The following MAP7 variants were observed in gnomAD, a reference collection of about 807,000 sequenced individuals.
MAP7 encodes the protein ensconsin.
A neutral mutation model predicts 94.8 loss-of-function variants in MAP7; 52 were observed. That is an observed-to-expected ratio of 0.55 (90% CI 0.44 to 0.69). MAP7 has a LOEUF of 0.69. MAP7 is among the 30% of genes least tolerant of loss of function. The pLI is 0.00. For synonymous variants in MAP7, 350 were observed against 357.0 expected, an observed-to-expected ratio of 0.98 and a Z score of 0.22; for missense variants, 940 against 964.6, an observed-to-expected ratio of 0.97 and a Z score of 0.34.
At chr6:136,439,037 T>A (rs1797122893) in intron 1 of MAP7, among the ~76,000 whole-genome samples, 1 of 152,206 alleles carries the variant, frequency 6.6e-6, no homozygotes, top group African/African-American at 2.4e-5. Flanking sequence ...TGAAGTGAGA[T>A]CTTCATTTTA....
intron 1 of MAP7, among the ~76,000 whole-genome samples, chr6:136,422,326 G>T (rs1187680343): frequency 6.6e-6 from 1 of 152,144 alleles, no homozygotes. Flanking sequence ...CGTATGTTCA[G>T]TACAAGTCAC....
chr6:136,456,529 A>C (rs1802906699), intron 1 of MAP7, among the ~76,000 whole-genome samples: 1 of 151,646 alleles, frequency 6.6e-6, no homozygotes, highest in Admixed American at 6.6e-5. Context: ...AAAATTAGGT[A>C]GGTGTGGTGG....
chr6:136,522,986 G>C (rs1197540500), intron 1 of MAP7, among the ~76,000 whole-genome samples: 1 of 152,080 alleles, frequency 6.6e-6, no homozygotes, highest in Non-Finnish European at 1.5e-5. Context: ...AGTGAGCTAT[G>C]ATCATGCCAT....
In MAP7 at chr6:136,550,057, T is replaced by TC. The variant is rs1451601555; in HGVS notation, c.67+284dup. Among the ~76,000 whole-genome samples, 1 of 151,170 alleles carries TC rather than the reference T, an allele frequency of 6.6e-6. No homozygotes were observed. The highest frequency in any genetic ancestry group is 1.5e-5 in the Non-Finnish European group (1 of 67,664). Reference sequence around the variant, plus strand: ...CAGCGGCCGGGGTCTCTCCGTTTCCTCCCCCGGCTCGCCTCCACCTGTTGC... The same window carrying TC: ...CAGCGGCCGGGGTCTCTCCGTTTCCTCCCCCCGGCTCGCCTCCACCTGTTGC... On this transcript the variant is annotated intron_variant, in intron 1 of 17. Coordinates refer to ENST00000354570, the MANE Select transcript of MAP7 (RefSeq NM_003980.6). The surrounding 1 kb of genome is among the most constrained non-coding windows in gnomAD (Gnocchi z 5.1).
At chr6:136,443,525 C>T (rs1798477011) in intron 1 of MAP7, among the ~76,000 whole-genome samples, 1 of 148,382 alleles carries the variant, frequency 6.7e-6, no homozygotes, top group South Asian at 2.1e-4. Context: ...AATCTTGGCT[C>T]ACTGCAACCT....
rs1394029416 is a variant in MAP7 at position 136,342,831 on chromosome 6, CTA to C, written c.*1395_*1396del. ...ACAGATTTCTTTTCTAATATAATGA[CTA>C]TGTGTACATGGACAACTGAAAACAG... On this transcript the variant is annotated 3_prime_UTR_variant, in exon 18 of 18. Transcript: ENST00000354570. The C allele has an allele frequency of 6.6e-6, 1 of 152,144 alleles. No homozygotes were observed. The highest frequency in any genetic ancestry group is 2.4e-5 in the African/African-American group (1 of 41,412). The allele number at this position is 152,144 out of a possible 1,614,324, so 9.4% of individuals were successfully genotyped here. A position where few individuals can be genotyped will look rare whatever the true frequency, so the allele number is the denominator to read the frequency against.
At chr6:136,419,128 G>A (rs1167279079) in intron 2 of MAP7, among the ~76,000 whole-genome samples, 2 of 152,168 alleles carry the variant, frequency 1.3e-5, no homozygotes, top group Non-Finnish European at 2.9e-5. Context: ...GCAATCTCTC[G>A]TCACACTGGT....
chr6:136,493,918 A>G (rs1262099632), intron 1 of MAP7, among the ~76,000 whole-genome samples: 1 of 152,166 alleles, frequency 6.6e-6, no homozygotes, highest in Non-Finnish European at 1.5e-5. Flanking sequence ...TTAAGCTTTG[A>G]GCTTCAGGTT....
chr6:136,418,921 C>T (rs1331474415), intron 2 of MAP7, among the ~76,000 whole-genome samples: 2 of 152,130 alleles, frequency 1.3e-5, no homozygotes, highest in Non-Finnish European at 1.5e-5. Flanking sequence ...GTTACTAAAT[C>T]AAGAGCCTTT....
chr6:136,514,961 T>G (rs1824383991), intron 1 of MAP7, among the ~76,000 whole-genome samples: 1 of 152,242 alleles, frequency 6.6e-6, no homozygotes, highest in Non-Finnish European at 1.5e-5. Flanking sequence ...ACTTTGACTC[T>G]CTGTCTATCA....
intron 6 of MAP7, among the ~76,000 whole-genome samples, chr6:136,381,154 A>G (rs1777620124): frequency 1.3e-5 from 2 of 152,146 alleles, no homozygotes; most frequent in Admixed American, 6.5e-5. Context: ...AACTAATGGA[A>G]TTACTTAAAT....
At chr6:136,485,303 T>C (rs941211220) in intron 1 of MAP7, among the ~76,000 whole-genome samples, 1 of 152,212 alleles carries the variant, frequency 6.6e-6, no homozygotes, top group African/African-American at 2.4e-5. Flanking sequence ...ACTTTACAAA[T>C]GTCATTACAT....
intron 2 of MAP7, among the ~76,000 whole-genome samples, chr6:136,420,750 T>G (rs1791051125): frequency 6.6e-6 from 1 of 152,218 alleles, no homozygotes; most frequent in Admixed American, 6.5e-5. Flanking sequence ...TCAACAATAC[T>G]TGTTATTGTC....
chr6:136,345,718 A>T (rs536344226), intron 17 of MAP7, 138 bp downstream of exon 17: 1 of 776,038 alleles, frequency 1.3e-6, no homozygotes, highest in Non-Finnish European at 2.3e-6. Flanking sequence ...GCCAGGCACA[A>T]TCTCTTCCAC....
intron 3 of MAP7, among the ~76,000 whole-genome samples, chr6:136,399,370 G>C (rs144384331): frequency 1.3e-5 from 2 of 152,170 alleles, no homozygotes; most frequent in Admixed American, 1.3e-4. Flanking sequence ...GGTGAGACAG[G>C]GTTTTGCTCT....
intron 1 of MAP7, among the ~76,000 whole-genome samples, chr6:136,541,972 T>A (rs911534890): frequency 1.3e-5 from 2 of 152,124 alleles, no homozygotes; most frequent in Non-Finnish European, 2.9e-5. Context: ...GGCACAAGAA[T>A]CATTTGAACC....
chr6:136,533,424 G>A (rs544332844), intron 1 of MAP7, among the ~76,000 whole-genome samples: 1 of 152,298 alleles, frequency 6.6e-6, no homozygotes, highest in East Asian at 1.9e-4. Flanking sequence ...CCAATTCAGT[G>A]TATGACTTTT....
At chr6:136,513,054 G>A (rs976507380) in intron 1 of MAP7, among the ~76,000 whole-genome samples, 2 of 151,616 alleles carry the variant, frequency 1.3e-5, no homozygotes, top group Admixed American at 6.6e-5. Context: ...TCTGTTGCCC[G>A]GTCTGGTCTC....
chr6:136,474,870 T>C (rs1810349514), intron 1 of MAP7, among the ~76,000 whole-genome samples: 1 of 151,926 alleles, frequency 6.6e-6, no homozygotes. Context: ...TGCACACCAT[T>C]ATGCTTGGCT....
Sources: gnomAD v4.1 joint callset for allele counts (sites outside exome capture counted in the v4.1 genomes callset) on GRCh38, gnomAD v4.1.1 for gene constraint, Gnocchi (gnomAD v3.1) non-coding constraint, MANE v1.5 for transcripts, NCBI Gene and HGNC (gene_info 2026-07-23, HGNC 2026-07-21) for gene names.